Variants in GUCY2C observed in about 807,000 individuals in gnomAD.
GUCY2C encodes the protein guanylyl cyclase C.
In GUCY2C, 118 loss-of-function variants were observed where a neutral mutation model predicts 131.1. That is an observed-to-expected ratio of 0.90 (90% confidence interval 0.78 to 1.05). The LOEUF is 1.05. Ranked by LOEUF, GUCY2C falls within the 50% of genes least tolerant of loss-of-function variation. The pLI is 0.00. For missense variants in GUCY2C, 1,161 were observed against 1,304.4 expected (o/e 0.89, Z 1.69); for synonymous variants, 452 against 457.8 (o/e 0.99, Z 0.16).
chr12:14,623,666 A>G (rs777177731), intron 21 of GUCY2C, among the ~76,000 whole-genome samples: 4 of 152,130 alleles, frequency 2.6e-5, no homozygotes, highest in Admixed American at 6.5e-5. Context: ...GTAATCCCCA[A>G]TGTTAAGGGA....
At chr12:14,688,308 A>G (rs1392964391) in intron 1 of GUCY2C, among the ~76,000 whole-genome samples, 2 of 152,040 alleles carry the variant, frequency 1.3e-5, no homozygotes, top group South Asian at 4.2e-4. Context: ...TTTATCTATC[A>G]TAAAAATCAT....
chr12:14,693,560 T>G (rs1948610203), intron 1 of GUCY2C, among the ~76,000 whole-genome samples: 1 of 152,228 alleles, frequency 6.6e-6, no homozygotes, highest in African/African-American at 2.4e-5. Flanking sequence ...ATATATTGTC[T>G]TATAATTTTT....
Position 14,669,722 on chromosome 12 carries a change from C to A in GUCY2C, c.1282G>T (p.Gly428Cys). The change falls in exon 10 of 27, where the codon GGC (glycine) becomes TGC (cysteine). Residue 428 changes from glycine to cysteine, a missense_variant and splice_region_variant. Physicochemically the swap from Gly to Cys is radical, Grantham distance 159. Coordinates refer to ENST00000261170, the MANE Select transcript of GUCY2C (RefSeq NM_004963.4). ...SKLPNDITGR[G>C]PQILMIAVFT... ...AGAAAATTCATTAGGGATATCTTAC[C>A]CCGGCCTGTAATATCATTAGGAAGT... The A allele has an allele frequency of 6.8e-7, 1 of 1,473,982 alleles. No individual in the cohort carries two copies. The allele number at this position is 1,473,982 out of a possible 1,614,324, so 91.3% of individuals were successfully genotyped here.
At chr12:14,682,122 A>G (rs1365570420) in intron 4 of GUCY2C, among the ~76,000 whole-genome samples, 2 of 152,158 alleles carry the variant, frequency 1.3e-5, no homozygotes, top group Non-Finnish European at 2.9e-5. Context: ...GATTTCTTCT[A>G]CCACCTTTGT....
At chr12:14,651,034 CA>C (rs1199093250) in intron 15 of GUCY2C, among the ~76,000 whole-genome samples, 1 of 152,102 alleles carries the variant, frequency 6.6e-6, no homozygotes, top group African/African-American at 2.4e-5. Flanking sequence ...TGGACAGCAG[CA>C]GAACCAAGAA....
intron 4 of GUCY2C, among the ~76,000 whole-genome samples, chr12:14,682,362 C>T (rs1347015984): frequency 2.6e-5 from 4 of 152,098 alleles, no homozygotes; most frequent in Non-Finnish European, 5.9e-5. Flanking sequence ...TTATAAGGGG[C>T]TCTTCCCTTT....
chr12:14,645,880 G>A (rs978081024), intron 15 of GUCY2C, among the ~76,000 whole-genome samples: 3 of 150,424 alleles, frequency 2.0e-5, no homozygotes, highest in African/African-American at 7.3e-5. Context: ...CTGTTGCCCA[G>A]GCTGGCATGC....
At position 14,622,210 on chromosome 12, in the gene GUCY2C, A is replaced by C. The variant is rs1224228083; in HGVS notation, c.2409-13T>G. On this transcript the variant is annotated splice_polypyrimidine_tract_variant and intron_variant, in intron 21 of 26. Coordinates refer to ENST00000261170, the MANE Select transcript of GUCY2C (RefSeq NM_004963.4). The stretch of plus-strand genomic sequence containing the variant: ...CTTTACCACTAGCCTAGATGAACGA[A>C]GGGAAAAAAAATGCCTTCAACTTCA... 3 of 1,473,258 alleles carry C rather than the reference A, an allele frequency of 2.0e-6. No homozygotes were observed. The highest frequency in any genetic ancestry group is 1.4e-5 in the South Asian group (1 of 68,982). The allele number at this position is 1,473,258 out of a possible 1,614,324, so 91.3% of individuals were successfully genotyped here.
chr12:14,674,175 G>A (rs1948176570), intron 8 of GUCY2C: 1 of 206,722 alleles, frequency 4.8e-6, no homozygotes, highest in African/African-American at 2.3e-5. Flanking sequence ...TGCAGCTCAG[G>A]AGGTTTGTGT....
rs1948423523 is a variant in GUCY2C at position 14,684,583 on chromosome 12, TCC to T, written c.396-1328_396-1327del. Among the ~76,000 whole-genome samples, 2 of 3,330 alleles carry T rather than the reference TCC, an allele frequency of 6.0e-4. 1 individual carries two copies. Among genetic ancestry groups the T allele is most frequent in the Non-Finnish European group, 2.7e-3 (2 of 730 alleles). 2.2% of individuals were successfully genotyped at this position (3,330 alleles called of 152,430 possible). ...TCTTTCCCTTCCTTCCTTCCTTCCT[TCC>T]TTCCTTCCTTCCTTCCTTCCTTCCT... On this transcript the variant is annotated intron_variant, in intron 3 of 26. Transcript: ENST00000261170.
At position 14,696,397 on chromosome 12, in the gene GUCY2C, C is replaced by T. The variant is rs780575858; in HGVS notation, c.52G>A (p.Gly18Arg). 2.9e-5 allele frequency: 46 copies of T among 1,613,968 alleles called. No individual in the cohort carries two copies. In the African/African-American group the frequency reaches 3.2e-4, roughly 11 times the overall value. ...LALWSLLFQP[G>R]WLSFSSQVSQ... Reference sequence around the variant, plus strand: ...ACCTGGGAACTAAAGGACAGCCACCCGGGCTGGAAGAGCAGTGACCACAAA... The same window carrying T: ...ACCTGGGAACTAAAGGACAGCCACCTGGGCTGGAAGAGCAGTGACCACAAA... Residue 18 changes from glycine (G) to arginine (R), a missense_variant, in exon 1 of 27, where the codon GGG becomes AGG. Physicochemically the swap from Gly to Arg is moderately radical, Grantham distance 125 (BLOSUM62 -2). Coordinates refer to ENST00000261170, the MANE Select transcript of GUCY2C (RefSeq NM_004963.4).
chr12:14,629,359 G>C (rs975956119), intron 19 of GUCY2C, among the ~76,000 whole-genome samples: 1 of 152,114 alleles, frequency 6.6e-6, no homozygotes, highest in Non-Finnish European at 1.5e-5. Flanking sequence ...GACAAGATAA[G>C]GGTAATCACT....
chr12:14,615,015 A>G, intron 25 of GUCY2C, 72 bp from the exon 26 acceptor site: 2 of 719,082 alleles, frequency 2.8e-6, no homozygotes, highest in Non-Finnish European at 4.6e-6. Flanking sequence ...TGTTTCCATA[A>G]TGATCTGTTT....
intron 25 of GUCY2C, 63 bp from the exon 26 acceptor site, chr12:14,615,006 G>C (rs1946728559): frequency 1.3e-6 from 1 of 780,382 alleles, no homozygotes; most frequent in Non-Finnish European, 2.1e-6. Flanking sequence ...GTAGACCACT[G>C]TTTCCATAAT....
At position 14,613,155 on chromosome 12, in the gene GUCY2C, G is replaced by C. The variant is rs1426521520; in HGVS notation, c.3184C>G (p.Gln1062Glu). The change falls in exon 27 of 27, where the codon CAG becomes GAG. Residue 1062 changes from glutamine (Q) to glutamate (E), a missense_variant. Transcript: ENST00000261170. The surrounding 1 kb of genome is among the most constrained non-coding windows in gnomAD (Gnocchi z 4.9). The stretch of plus-strand genomic sequence containing the variant: ...CTCTCCTTGTCTGTGGTATTCAGCT[G>C]CAAGTATTCCAGAGTGCCTTTTTTA... ...SYKKGTLEYL[Q>E]LNTTDKESTY... is the part of the protein sequence containing the mutation. 1 of 1,613,374 alleles carries C rather than the reference G, an allele frequency of 6.2e-7. No homozygotes were observed. Among genetic ancestry groups the C allele is most frequent in the Non-Finnish European group, 8.5e-7 (1 of 1,179,578 alleles).
rs1020891792 is a variant in GUCY2C at position 14,691,648 on chromosome 12, A to G, written c.218-3585T>C. Among the ~76,000 whole-genome samples, 3 of 152,186 alleles carry G rather than the reference A, an allele frequency of 2.0e-5. No homozygotes were observed. The South Asian group carries it at 6.2e-4, about 32-fold the overall frequency. On this transcript the variant is annotated intron_variant, in intron 1 of 26. Coordinates refer to ENST00000261170, the MANE Select transcript of GUCY2C (RefSeq NM_004963.4). Reference sequence around the variant, plus strand: ...TATGAGGGCTTTGTTCTGTCCTACCACCATGAGGGACAGTGAAAATGACAC... The same window carrying G: ...TATGAGGGCTTTGTTCTGTCCTACCGCCATGAGGGACAGTGAAAATGACAC...
At chr12:14,695,881 C>G (rs1948646739) in intron 1 of GUCY2C, among the ~76,000 whole-genome samples, 1 of 152,068 alleles carries the variant, frequency 6.6e-6, no homozygotes, top group South Asian at 2.1e-4. Context: ...TGGTCTTGAA[C>G]TCCCGGGCTC....
chr12:14,664,395 G>C (rs1947928085), intron 10 of GUCY2C, among the ~76,000 whole-genome samples: 1 of 152,058 alleles, frequency 6.6e-6, no homozygotes, highest in South Asian at 2.1e-4. Flanking sequence ...CCCTAGACTA[G>C]AGTATAAACT....
intron 14 of GUCY2C, 133 bp from the exon 15 acceptor site, chr12:14,651,644 T>A: frequency 1.6e-6 from 1 of 621,778 alleles, no homozygotes; most frequent in East Asian, 2.7e-5. Flanking sequence ...TGAATGTCAG[T>A]ACCCATTGCT....
Sources: allele counts gnomAD v4.1 joint callset (sites outside exome capture counted in the v4.1 genomes callset), GRCh38; gene constraint gnomAD v4.1.1; non-coding constraint Gnocchi (gnomAD v3.1); transcripts MANE v1.5; gene names NCBI Gene and HGNC (gene_info 2026-07-23, HGNC 2026-07-21).